Variants in PLCD4 observed in about 807,000 individuals in gnomAD.
PLCD4 encodes the protein 1-phosphatidylinositol 4,5-bisphosphate phosphodiesterase delta-4.
A neutral mutation model predicts 90.2 loss-of-function variants in PLCD4; 63 were observed. That is an observed-to-expected ratio of 0.70 (90% confidence interval 0.57 to 0.86). The LOEUF (loss-of-function observed/expected upper bound fraction) is 0.86, where lower values mean the gene tolerates loss of function less well. PLCD4 is among the 40% of genes least tolerant of loss of function. The pLI is 0.00. For synonymous variants in PLCD4, 294 were observed against 356.5 expected, an observed-to-expected ratio of 0.82 and a Z score of 1.97; for missense variants, 830 against 956.3, an observed-to-expected ratio of 0.87 and a Z score of 1.74.
At chr2:218,612,094 G>A (rs1695366514) in intron 1 of PLCD4, among the ~76,000 whole-genome samples, 1 of 151,738 alleles carries the variant, frequency 6.6e-6, no homozygotes, top group African/African-American at 2.4e-5. Context: ...ATTTTTAGTA[G>A]AGACAGGGTT....
intron 13 of PLCD4, 68 bp from the exon 14 acceptor site, chr2:218,635,728 G>A (rs1169194735): frequency 8.4e-6 from 13 of 1,548,422 alleles, no homozygotes; most frequent in African/African-American, 1.4e-5. Context: ...CTCCCCTGGG[G>A]TTGGGAGTAG....
rs1299267430 is a variant in PLCD4 at position 218,635,848 on chromosome 2, T to C, written c.1949T>C (p.Ile650Thr). ...PKVDKTKEGSIVDPLVKVQIF... is the reference protein window; with the variant it reads ...PKVDKTKEGSTVDPLVKVQIF... ...GTGGACAAGACCAAAGAGGGGTCCA[T>C]TGTGGATCCACTGGTGAAAGTGCAG... Residue 650 changes from isoleucine (I) to threonine (T), a missense_variant, in exon 14 of 16, where the codon ATT becomes ACT. Coordinates refer to ENST00000450993, the MANE Select transcript of PLCD4 (RefSeq NM_032726.4). 6.2e-7 allele frequency: 1 copy of C among 1,613,758 alleles called. No homozygotes were observed. Among genetic ancestry groups the C allele is most frequent in the African/African-American group, 1.3e-5 (1 of 74,896 alleles).
chr2:218,618,806 C>G lies in PLCD4; in HGVS notation c.409C>G (p.Gln137Glu). ...CATGGACCATCAGGAGCGCCTGGAC[C>G]AGTATCGGCAGGATGGAGTCAGGGT... ...TSMDHQERLD[Q>E]WLSDWFQRGD... The change falls in exon 4 of 16, where the codon CAA becomes GAA. Residue 137 changes from glutamine (Q) to glutamate (E), a missense_variant and splice_region_variant. Gln to Glu is a conservative substitution (Grantham distance 29, BLOSUM62 2). Transcript: ENST00000450993. The G allele has an allele frequency of 1.9e-6, 3 of 1,579,134 alleles. No individual in the cohort carries two copies. The highest frequency in any genetic ancestry group is 2.6e-6 in the Non-Finnish European group (3 of 1,161,842).
chr2:218,630,007 G>A (rs111555983), intron 8 of PLCD4, among the ~76,000 whole-genome samples: 2,857 of 152,130 alleles, frequency 0.019, 92 homozygotes, highest in African/African-American at 0.065. Context: ...GAGAAACCCC[G>A]TCTCTATTAA....
chr2:218,613,279 T>C (rs1695422188), intron 1 of PLCD4, among the ~76,000 whole-genome samples: 2 of 150,604 alleles, frequency 1.3e-5, no homozygotes, highest in Admixed American at 1.3e-4. Flanking sequence ...TAATCCCAGC[T>C]ACTTAGGAGG....
At position 218,630,693 on chromosome 2, in the gene PLCD4, G is replaced by C; in HGVS notation, c.1163G>C (p.Ser388Thr). ...PVILSLETHCSWEQQQTMARH... is the reference protein window; with the variant it reads ...PVILSLETHCTWEQQQTMARH... The stretch of plus-strand genomic sequence containing the variant: ...ATCTTGTCCCTGGAGACCCACTGCA[G>C]CTGGGAGCAGCAGCAGACCATGGCC... Residue 388 changes from serine (S) to threonine (T), a missense_variant, in exon 9 of 16, where the codon AGC becomes ACC. Ser to Thr is a moderately conservative substitution (Grantham distance 58). Transcript: ENST00000450993. 6.2e-7 allele frequency: 1 copy of C among 1,614,050 alleles called. No individual in the cohort carries two copies. The highest frequency in any genetic ancestry group is 8.5e-7 in the Non-Finnish European group (1 of 1,179,896).
Position 218,634,288 on chromosome 2 carries a change from T to C in PLCD4, c.1723+67T>C. On this transcript the variant is annotated intron_variant, in intron 12 of 15. Coordinates refer to ENST00000450993, the MANE Select transcript of PLCD4 (RefSeq NM_032726.4). This position sits in a 1 kb window ranked among gnomAD's most constrained non-coding sequence, Gnocchi z 4.0. ...AGCAGGTGGGAAATAAGTTCTCTAG[T>C]GATGGTAGGGTTGGGGAATGCTCAA... is the stretch of plus-strand genomic sequence containing the variant. 1.3e-6 allele frequency: 2 copies of C among 1,574,572 alleles called. No individual in the cohort carries two copies. Among genetic ancestry groups the C allele is most frequent in the Non-Finnish European group, 1.7e-6 (2 of 1,160,122 alleles).
At chr2:218,608,351 C>G (rs531399517) in intron 1 of PLCD4, among the ~76,000 whole-genome samples, 1 of 152,238 alleles carries the variant, frequency 6.6e-6, no homozygotes, top group East Asian at 1.9e-4. Context: ...CTGAGGTGAA[C>G]TCCACCCCCA....
rs767971971 is a variant in PLCD4 at position 218,629,657 on chromosome 2, C to T, written c.1113C>T (p.Ala371=). 1 of 1,612,498 alleles carries T rather than the reference C, an allele frequency of 6.2e-7. No individual in the cohort carries two copies. The highest frequency in any genetic ancestry group is 8.5e-7 in the Non-Finnish European group (1 of 1,179,044). Residue 371 remains alanine, a synonymous_variant, in exon 8 of 16, where the codon GCC becomes GCT. Transcript: ENST00000450993. The stretch of plus-strand genomic sequence containing the variant: ...TCGTGGCCACAGTAGCACAGTATGC[C>T]TTCCAGGTAGTAGCCCCAGGATGGG... ...KDVVATVAQY[A]FQTSDYPVIL...
intron 14 of PLCD4, among the ~76,000 whole-genome samples, 155 bp downstream of exon 14, chr2:218,636,086 C>T (rs1430058274): frequency 2.0e-5 from 3 of 152,234 alleles, no homozygotes; most frequent in African/African-American, 4.8e-5. Context: ...CACTTAAAAG[C>T]TCCAGTGACC....
intron 6 of PLCD4, among the ~76,000 whole-genome samples, chr2:218,625,688 C>A (rs1279186601): frequency 1.3e-5 from 2 of 152,246 alleles, no homozygotes; most frequent in Non-Finnish European, 2.9e-5. Flanking sequence ...AATCCCAGCA[C>A]TTTGGGAGGC....
Position 218,636,721 on chromosome 2 carries a change from T to A in PLCD4, c.*144T>A. Reference sequence around the variant, plus strand: ...AGGCACAAAATTACCTCATTCTTCCTAACAAGCAATCTGGGACCTGATTTT... The same window carrying A: ...AGGCACAAAATTACCTCATTCTTCCAAACAAGCAATCTGGGACCTGATTTT... On this transcript the variant is annotated 3_prime_UTR_variant, in exon 16 of 16. Transcript: ENST00000450993. The A allele has an allele frequency of 1.2e-6, 1 of 859,230 alleles. No individual in the cohort carries two copies. The highest frequency in any genetic ancestry group is 1.8e-6 in the Non-Finnish European group (1 of 545,118). 53.2% of individuals were successfully genotyped at this position (859,230 alleles called of 1,614,324 possible). A position where few individuals can be genotyped will look rare whatever the true frequency, so the allele number is the denominator to read the frequency against.
intron 6 of PLCD4, among the ~76,000 whole-genome samples, chr2:218,624,970 G>A (rs1054602391): frequency 6.6e-6 from 1 of 151,210 alleles, no homozygotes; most frequent in Non-Finnish European, 1.5e-5. Context: ...AAATTAGCCG[G>A]GTATGGTGGC....
intron 1 of PLCD4, among the ~76,000 whole-genome samples, chr2:218,614,051 G>A (rs1303133746): frequency 6.8e-6 from 1 of 147,292 alleles, no homozygotes; most frequent in Non-Finnish European, 1.5e-5. Flanking sequence ...TCTTGCTCTC[G>A]CTCTGTTGCC....
At chr2:218,618,847 C>T (rs778371183) in intron 4 of PLCD4, 40 bp downstream of exon 4, 69 of 1,536,962 alleles carry the variant, frequency 4.5e-5, no homozygotes, top group Admixed American at 7.8e-5. Context: ...TGAGGGATCA[C>T]GCTATCCCTG....
intron 13 of PLCD4, 54 bp from the exon 14 acceptor site, chr2:218,635,742 C>T (rs768358835): frequency 3.3e-5 from 52 of 1,565,846 alleles, no homozygotes; most frequent in Non-Finnish European, 3.6e-5. Context: ...GGAGTAGGGT[C>T]GGGTGGGGCT....
Position 218,617,125 on chromosome 2 carries a change from C to T in PLCD4, c.181+1063C>T, listed in dbSNP as rs1247045068. On this transcript the variant is annotated intron_variant, in intron 3 of 15. Transcript: ENST00000450993. Reference sequence around the variant, plus strand: ...GACTACAGGCACCCGCCACCACGCCCGGCTAATTTTTCGCATTTTTAGTAG... The same window carrying T: ...GACTACAGGCACCCGCCACCACGCCTGGCTAATTTTTCGCATTTTTAGTAG... Among the ~76,000 whole-genome samples the T allele has an allele frequency of 4.1e-5, 6 of 144,760 alleles. No individual in the cohort carries two copies. In the South Asian group the frequency reaches 6.5e-4, roughly 16 times the overall value. 95.0% of individuals were successfully genotyped at this position (144,760 alleles called of 152,430 possible).
chr2:218,634,600 C>T lies in PLCD4; in HGVS notation c.1866C>T (p.Ser622=). 1.2e-6 allele frequency: 2 copies of T among 1,614,004 alleles called. No homozygotes were observed. Among genetic ancestry groups the T allele is most frequent in the South Asian group, 1.1e-5 (1 of 91,084 alleles). ...QSSFHPEKPI[S]PFKAQTLLIQ... ...CTTTCCACCCTGAGAAGCCCATCAG[C>T]CCTTTCAAAGCCCAGACTCTCTTAA... Residue 622 remains serine (S), a synonymous_variant, in exon 13 of 16, where the codon AGC becomes AGT. Coordinates refer to ENST00000450993, the MANE Select transcript of PLCD4 (RefSeq NM_032726.4). This position sits in a 1 kb window ranked among gnomAD's most constrained non-coding sequence, Gnocchi z 4.0.
intron 4 of PLCD4, 37 bp downstream of exon 4, chr2:218,618,844 T>C: frequency 6.5e-7 from 1 of 1,542,472 alleles, no homozygotes; most frequent in South Asian, 1.2e-5. Context: ...GGGTGAGGGA[T>C]CACGCTATCC....
Sources: allele counts gnomAD v4.1 joint callset (sites outside exome capture counted in the v4.1 genomes callset), GRCh38; gene constraint gnomAD v4.1.1; non-coding constraint Gnocchi (gnomAD v3.1); transcripts MANE v1.5; gene names NCBI Gene and HGNC (gene_info 2026-07-23, HGNC 2026-07-21).